Variants in TDRD9 observed in about 807,000 individuals in gnomAD.
TDRD9 encodes the protein tudor domain containing 9.
In TDRD9, 124 loss-of-function variants were observed where a neutral mutation model predicts 172.6. The ratio of observed to expected loss-of-function variants is 0.72; its 90% CI spans 0.62 to 0.83. TDRD9 has a LOEUF of 0.83. TDRD9 is among the 40% of genes least tolerant of loss of function. TDRD9 has a pLI of 0.00. For synonymous variants in TDRD9, 619 were observed against 617.1 expected (o/e 1.00, Z -0.05); for missense variants, 1,479 against 1,714.1 (o/e 0.86, Z 2.42).
intron 1 of TDRD9, among the ~76,000 whole-genome samples, chr14:103,945,130 C>T (rs2031491856): frequency 6.6e-6 from 1 of 152,192 alleles, no homozygotes; most frequent in African/African-American, 2.4e-5. Context: ...ACACTTCTCC[C>T]ACTTAGAACT....
chr14:103,931,481 C>T (rs1467338701), intron 1 of TDRD9, among the ~76,000 whole-genome samples: 2 of 152,070 alleles, frequency 1.3e-5, no homozygotes, highest in Non-Finnish European at 2.9e-5. Flanking sequence ...CCAGAGTTTC[C>T]AGCACGTAGC....
intron 32 of TDRD9, among the ~76,000 whole-genome samples, chr14:104,036,412 G>A (rs2035451633): frequency 6.6e-6 from 1 of 152,194 alleles, no homozygotes; most frequent in Admixed American, 6.5e-5. Context: ...TGGAGCCTCG[G>A]TGGGGAGACA....
rs1458012871 is a variant in TDRD9 at position 103,997,211 on chromosome 14, A to G, written c.1378+1404A>G. Among the ~76,000 whole-genome samples the G allele has an allele frequency of 1.3e-5, 2 of 152,212 alleles. No individual in the cohort carries two copies. Among genetic ancestry groups the G allele is most frequent in the Non-Finnish European group, 2.9e-5 (2 of 68,034 alleles). On this transcript the variant is annotated intron_variant, in intron 12 of 35. Transcript: ENST00000409874. The surrounding 1 kb of genome is among the most constrained non-coding windows in gnomAD (Gnocchi z 5.1). ...TAGACTAGAATGAGGCAAAGGAGAG[A>G]AAAGGAAGAGACTTAGGAGGGTGTC...
chr14:104,004,356 T>C, intron 14 of TDRD9, 21 bp downstream of exon 14: 2 of 1,207,038 alleles, frequency 1.7e-6, no homozygotes, highest in Non-Finnish European at 2.4e-6. Flanking sequence ...TTGGTCATTG[T>C]CAAAGTTTAT....
At position 103,994,544 on chromosome 14, in the gene TDRD9, A is replaced by G. The variant is rs1260548780; in HGVS notation, c.1261A>G (p.Ser421Gly). 1 of 1,613,806 alleles carries G rather than the reference A, an allele frequency of 6.2e-7. No homozygotes were observed. Among genetic ancestry groups the G allele is most frequent in the East Asian group, 2.2e-5 (1 of 44,892 alleles). Reference protein sequence around the residue: ...KRLQVYPLHSSVALEEQNNVF... With the variant: ...KRLQVYPLHSGVALEEQNNVF... ...GTTGCAGGTCTATCCACTCCATTCA[A>G]GTGTGGCTTTAGAAGAACAGAATAA... Residue 421 changes from serine (S) to glycine (G), a missense_variant, in exon 11 of 36, where the codon AGT becomes GGT. Coordinates refer to ENST00000409874, the MANE Select transcript of TDRD9 (RefSeq NM_153046.3).
intron 1 of TDRD9, among the ~76,000 whole-genome samples, chr14:103,949,574 A>G (rs1472899749): frequency 6.6e-6 from 1 of 152,250 alleles, no homozygotes; most frequent in Non-Finnish European, 1.5e-5. Context: ...GAGTCGTGCA[A>G]TATGCATAAC....
At chr14:104,031,374 T>G in intron 29 of TDRD9, 111 bp downstream of exon 29, 1 of 919,008 alleles carries the variant, frequency 1.1e-6, no homozygotes, top group Non-Finnish European at 1.6e-6. Context: ...TGGCTTTTAA[T>G]GCTGTTACTT....
chr14:104,010,095 G>A (rs781368874), intron 20 of TDRD9, among the ~76,000 whole-genome samples: 30 of 151,978 alleles, frequency 2.0e-4, no homozygotes, highest in Middle Eastern at 3.4e-3. Flanking sequence ...ACAGGTGTGC[G>A]TCACCACGCT....
chr14:103,947,960 G>A lies in TDRD9; in HGVS notation c.216-7704G>A, dbSNP rs74457460. ...TATTTGCAAATCATGTATCTGAAAA[G>A]GGATTAATACATAGAATGTATAGAG... On this transcript the variant is annotated intron_variant, in intron 1 of 35. Coordinates refer to ENST00000409874, the MANE Select transcript of TDRD9 (RefSeq NM_153046.3). Among the ~76,000 whole-genome samples, 515 of 152,230 alleles carry A rather than the reference G, an allele frequency of 3.4e-3. 8 individuals carry two copies. Among genetic ancestry groups the A allele is most frequent in the East Asian group, 0.032 (164 of 5,182 alleles).
rs1252969459 is a variant in TDRD9 at position 104,040,264 on chromosome 14, C to T, written c.3785C>T (p.Ala1262Val). 1.3e-6 allele frequency: 2 copies of T among 1,551,572 alleles called. No individual in the cohort carries two copies. Among genetic ancestry groups the T allele is most frequent in the Non-Finnish European group, 8.7e-7 (1 of 1,146,840 alleles). ...CGLGWNPATG[A>V]SILPEHDMEL... ...TTGGGGTGGAATCCAGCTACAGGGG[C>T]TTCCATACTGCCCGAGCACGACATG... Residue 1262 changes from alanine to valine, a missense_variant, in exon 33 of 36, where the codon GCT becomes GTT. Around this residue, in one of 3 missense-constraint regions of TDRD9, gnomAD observed 1,413 missense variants for 1,649.1 expected, o/e 0.86. Transcript: ENST00000409874.
Position 104,047,575 on chromosome 14 carries a change from T to A in TDRD9, c.3975-2033T>A, listed in dbSNP as rs188551627. On this transcript the variant is annotated intron_variant, in intron 34 of 35. Coordinates refer to ENST00000409874, the MANE Select transcript of TDRD9 (RefSeq NM_153046.3). The stretch of plus-strand genomic sequence containing the variant: ...ATTTTTTCAAATATTTTTTTCTGCC[T>A]CGTGCCCGCTCTCTTCTCCCCTAGG... Among the ~76,000 whole-genome samples the A allele has an allele frequency of 2.3e-4, 35 of 152,356 alleles. 1 individual carries two copies. In the East Asian group the frequency reaches 6.2e-3, roughly 27 times the overall value.
intron 6 of TDRD9, among the ~76,000 whole-genome samples, chr14:103,972,311 AAAAAAC>A (rs1048365277): frequency 2.0e-5 from 3 of 152,206 alleles, no homozygotes; most frequent in African/African-American, 7.2e-5. Flanking sequence ...CATTTAAAAA[AAAAAAC>A]AAAAACAAAA....
At chr14:103,951,890 C>T (rs1319701137) in intron 1 of TDRD9, among the ~76,000 whole-genome samples, 2 of 151,462 alleles carry the variant, frequency 1.3e-5, no homozygotes, top group African/African-American at 4.9e-5. Context: ...CCTCAGCCTC[C>T]GGAGTAGCTG....
At chr14:104,033,894 G>T (rs76702877) in intron 30 of TDRD9, 66 bp from the exon 31 acceptor site, 14,742 of 994,694 alleles carry the variant, frequency 0.015, 291 homozygotes, top group African/African-American at 0.076. Flanking sequence ...TTGCTTGTGG[G>T]TTGGCATAGC....
At chr14:103,994,273 G>T in intron 9 of TDRD9, 59 bp from the exon 10 acceptor site, 1 of 1,407,158 alleles carries the variant, frequency 7.1e-7, no homozygotes, top group Non-Finnish European at 1.0e-6. Context: ...TTTAAAGGTT[G>T]GTTTCTAGCA....
At chr14:103,966,893 A>G (rs2032775208) in intron 5 of TDRD9, 62 bp downstream of exon 5, 6 of 1,427,842 alleles carry the variant, frequency 4.2e-6, no homozygotes, top group South Asian at 1.5e-5. Flanking sequence ...CTCTCAGAGT[A>G]TTGTGAACCC....
chr14:103,956,111 A>AATATATATATATATAT (rs1173008862), intron 2 of TDRD9, among the ~76,000 whole-genome samples: 9 of 18,352 alleles, frequency 4.9e-4, no homozygotes, highest in African/African-American at 1.4e-3. Flanking sequence ...AAAAAAAAAA[A>AATATATATATATATAT]ATATATATAT....
rs537994307 is a variant in TDRD9, at chr14:103,953,019, C to T, written c.216-2645C>T. On this transcript the variant is annotated intron_variant, in intron 1 of 35. Coordinates refer to ENST00000409874, the MANE Select transcript of TDRD9 (RefSeq NM_153046.3). ...CCTCCTAAAGTGCTAGGATTACAGG[C>T]GTGAGCCACCGTGCCCAGCCAGGAA... Among the ~76,000 whole-genome samples, 17 of 152,224 alleles carry T rather than the reference C, an allele frequency of 1.1e-4. No individual in the cohort carries two copies. In the East Asian group the frequency reaches 1.5e-3, roughly 14 times the overall value.
intron 34 of TDRD9, among the ~76,000 whole-genome samples, chr14:104,046,742 T>C (rs2035790740): frequency 6.6e-6 from 1 of 151,788 alleles, no homozygotes; most frequent in Non-Finnish European, 1.5e-5. Flanking sequence ...GCCCCCCGGG[T>C]TCATGCCATT....
Sources: allele counts gnomAD v4.1 joint callset (sites outside exome capture counted in the v4.1 genomes callset), GRCh38; gene constraint gnomAD v4.1.1; regional missense constraint gnomAD v4.1.1; non-coding constraint Gnocchi (gnomAD v3.1); transcripts MANE v1.5; gene names NCBI Gene and HGNC (gene_info 2026-07-23, HGNC 2026-07-21).